SORCS3: variants seen among roughly 807,000 people sequenced by gnomAD.
SORCS3 encodes the protein sortilin related VPS10 domain containing receptor 3.
SORCS3 carries 57 observed loss-of-function variants against 146.3 expected under a neutral mutation model. The observed-to-expected ratio is 0.39, with a 90% CI of 0.31 to 0.49. SORCS3 has a LOEUF of 0.49. SORCS3 is among the 20% of genes least tolerant of loss of function. The pLI, the probability that SORCS3 is intolerant of heterozygous loss-of-function variation, is 0.92. For synonymous variants in SORCS3, 653 were observed against 618.5 expected, an observed-to-expected ratio of 1.06 and a Z score of -0.83; for missense variants, 1,341 against 1,575.5, an observed-to-expected ratio of 0.85 and a Z score of 2.52.
intron 8 of SORCS3, among the ~76,000 whole-genome samples, chr10:105,140,556 C>A (rs575944276): frequency 6.6e-6 from 1 of 152,230 alleles, no homozygotes; most frequent in South Asian, 2.1e-4. Flanking sequence ...TGGTTTTAGT[C>A]AACTATGGGT....
chr10:104,848,477 A>G (rs760421951), intron 2 of SORCS3, among the ~76,000 whole-genome samples: 1 of 152,050 alleles, frequency 6.6e-6, no homozygotes, highest in Non-Finnish European at 1.5e-5. Context: ...CCCTCCCTCT[A>G]CAGCTGCTCA....
chr10:104,823,888 T>C (rs893920039), intron 1 of SORCS3, among the ~76,000 whole-genome samples: 10 of 152,120 alleles, frequency 6.6e-5, no homozygotes, highest in Non-Finnish European at 1.5e-5. Context: ...ATCATGAGGG[T>C]CCTTAAATGG....
intron 2 of SORCS3, among the ~76,000 whole-genome samples, chr10:104,861,554 G>A (rs1441325510): frequency 6.6e-6 from 1 of 152,104 alleles, no homozygotes; most frequent in Non-Finnish European, 1.5e-5. Flanking sequence ...ATGACTTTGG[G>A]CACTCATTCT....
chr10:105,254,297 G>C (rs1564796724), intron 23 of SORCS3, among the ~76,000 whole-genome samples: 1 of 152,186 alleles, frequency 6.6e-6, no homozygotes, highest in Non-Finnish European at 1.5e-5. Context: ...CAGAGCTAAT[G>C]ATGGGTTGAA....
intron 20 of SORCS3, among the ~76,000 whole-genome samples, chr10:105,234,769 G>A (rs2056783708): frequency 6.6e-6 from 1 of 151,764 alleles, no homozygotes; most frequent in Admixed American, 6.6e-5. Context: ...GTTTTGGCAT[G>A]CTGTCTACCT....
At chr10:105,166,416 G>A (rs541692635) in intron 12 of SORCS3, among the ~76,000 whole-genome samples, 1 of 152,268 alleles carries the variant, frequency 6.6e-6, no homozygotes, top group African/African-American at 2.4e-5. Flanking sequence ...TTAGTTCTCT[G>A]CTGGAGAAAT....
At chr10:104,826,753 CT>C (rs1482666865) in intron 1 of SORCS3, among the ~76,000 whole-genome samples, 1 of 152,154 alleles carries the variant, frequency 6.6e-6, no homozygotes, top group Non-Finnish European at 1.5e-5. Context: ...CATTGGTTGA[CT>C]CTTCTTTCAT....
rs58306491 is a variant in SORCS3 at position 105,017,284 on chromosome 10, AG to A, written c.955-25765del. On this transcript the variant is annotated intron_variant, in intron 4 of 26. Transcript: ENST00000369701. Reference sequence around the variant, plus strand: ...GGTACCAGTAGAAAGGCCCTGCCTTAGGGGGGCAGTTGTGTTTAAGTGACTC... The same window carrying A: ...GGTACCAGTAGAAAGGCCCTGCCTTAGGGGGCAGTTGTGTTTAAGTGACTC... 1.3e-3 allele frequency among the ~76,000 whole-genome samples: 205 copies of A among 152,198 alleles called. 5 individuals are homozygous for A. The East Asian group carries it at 0.031, about 23-fold the overall frequency.
intron 16 of SORCS3, among the ~76,000 whole-genome samples, chr10:105,210,445 C>A (rs1321155879): frequency 1.3e-5 from 2 of 152,146 alleles, no homozygotes; most frequent in African/African-American, 4.8e-5. Flanking sequence ...CATTTACACA[C>A]CCAGGAGTCT....
At chr10:105,121,670 A>C (rs2055934310) in intron 7 of SORCS3, among the ~76,000 whole-genome samples, 3 of 152,140 alleles carry the variant, frequency 2.0e-5, no homozygotes, top group African/African-American at 7.2e-5. Context: ...GATCTGTTTC[A>C]ATTTTGTTTC....
At chr10:104,858,072 G>C (rs2018354822) in intron 2 of SORCS3, among the ~76,000 whole-genome samples, 1 of 152,186 alleles carries the variant, frequency 6.6e-6, no homozygotes, top group African/African-American at 2.4e-5. Flanking sequence ...GGGTTCATCT[G>C]TGAAATGAGA....
Position 105,117,093 on chromosome 10 carries a change from A to G in SORCS3, c.1212+11578A>G, listed in dbSNP as rs182914289. ...TCAGTACTCTTCTCTTATGTCAGGT[A>G]GGCAAGTCTGAGCCTCATTCTACAT... is the stretch of plus-strand genomic sequence containing the variant. On this transcript the variant is annotated intron_variant, in intron 7 of 26. Transcript: ENST00000369701. 6.6e-5 allele frequency among the ~76,000 whole-genome samples: 10 copies of G among 152,232 alleles called. No homozygotes were observed. The East Asian group carries it at 1.5e-3, about 24-fold the overall frequency.
intron 1 of SORCS3, 59 bp downstream of exon 1, chr10:104,642,013 G>A: frequency 3.6e-6 from 5 of 1,404,036 alleles, no homozygotes; most frequent in South Asian, 1.3e-5. Flanking sequence ...GGAATGGGGG[G>A]GTGGGTGGGA....
At chr10:105,016,038 ACTT>A (rs970016020) in intron 4 of SORCS3, among the ~76,000 whole-genome samples, 54 of 148,996 alleles carry the variant, frequency 3.6e-4, no homozygotes, top group African/African-American at 1.2e-3. Context: ...GTAAGGTTCT[ACTT>A]CTTAACTTTT....
chr10:104,766,454 G>T (rs769163664), intron 1 of SORCS3, among the ~76,000 whole-genome samples: 1 of 152,216 alleles, frequency 6.6e-6, no homozygotes, highest in Non-Finnish European at 1.5e-5. Flanking sequence ...GTGCTTGTTT[G>T]CTTGTCTGTG....
At chr10:104,716,389 A>G (rs1404466261) in intron 1 of SORCS3, among the ~76,000 whole-genome samples, 1 of 152,144 alleles carries the variant, frequency 6.6e-6, no homozygotes, top group Non-Finnish European at 1.5e-5. Context: ...GGGGTGCATA[A>G]TGAAAACATT....
At chr10:104,801,070 A>G (rs1290588153) in intron 1 of SORCS3, among the ~76,000 whole-genome samples, 1 of 152,202 alleles carries the variant, frequency 6.6e-6, no homozygotes, top group Non-Finnish European at 1.5e-5. Context: ...TTTTTCTAGC[A>G]TAGACAGGCA....
intron 25 of SORCS3, among the ~76,000 whole-genome samples, chr10:105,257,342 A>AT (rs1372720504): frequency 1.3e-5 from 2 of 152,234 alleles, no homozygotes; most frequent in Non-Finnish European, 2.9e-5. Context: ...ACACCGATGC[A>AT]TTTTTTTACC....
intron 2 of SORCS3, among the ~76,000 whole-genome samples, chr10:104,861,336 G>A (rs956051361): frequency 1.3e-5 from 2 of 152,194 alleles, no homozygotes; most frequent in African/African-American, 4.8e-5. Context: ...ACTTGAGGCA[G>A]TAACTCCTCT....
Sources: gnomAD v4.1 joint callset for allele counts (sites outside exome capture counted in the v4.1 genomes callset) on GRCh38, gnomAD v4.1.1 for gene constraint, MANE v1.5 for transcripts, NCBI Gene and HGNC (gene_info 2026-07-23, HGNC 2026-07-21) for gene names.